CSMD3: variants seen among roughly 807,000 people sequenced by gnomAD.
CSMD3 encodes the protein CUB and Sushi multiple domains 3, also known as CUB and sushi domain-containing protein 3.
Under a neutral mutation model 435.2 loss-of-function variants are expected in CSMD3, and 177 were observed. The observed-to-expected ratio is 0.41, with a 90% confidence interval of 0.36 to 0.46. CSMD3 has a LOEUF of 0.46. Ranked by LOEUF, CSMD3 falls within the 20% of genes least tolerant of loss-of-function variation. The pLI is 0.34. For missense variants in CSMD3, 4,265 were observed against 4,504.6 expected (o/e 0.95, Z 1.52); for synonymous variants, 1,656 against 1,520.5 (o/e 1.09, Z -2.07).
At chr8:113,382,770 A>G (rs1252057683) in intron 1 of CSMD3, among the ~76,000 whole-genome samples, 1 of 152,056 alleles carries the variant, frequency 6.6e-6, no homozygotes, top group Non-Finnish European at 1.5e-5. Context: ...ACTTGAGGTC[A>G]GGAGTTCCAC....
intron 1 of CSMD3, among the ~76,000 whole-genome samples, chr8:113,322,052 T>G (rs2093952854): frequency 1.3e-5 from 2 of 152,144 alleles, no homozygotes; most frequent in Non-Finnish European, 2.9e-5. Flanking sequence ...TGTACATACA[T>G]GAAAAATTTA....
intron 13 of CSMD3, among the ~76,000 whole-genome samples, chr8:112,745,491 T>A (rs541460896): frequency 6.6e-6 from 1 of 152,112 alleles, no homozygotes; most frequent in Admixed American, 6.5e-5. Context: ...TATAATTGGC[T>A]ATGCTTTCTG....
At chr8:112,227,398 G>C (rs2129808909) in intron 70 of CSMD3, among the ~76,000 whole-genome samples, 1 of 152,278 alleles carries the variant, frequency 6.6e-6, no homozygotes, top group African/African-American at 2.4e-5. Flanking sequence ...AGCTGGATGA[G>C]GGGAGTGAGG....
At chr8:112,859,059 T>G in intron 11 of CSMD3, 86 bp downstream of exon 11, 1 of 1,271,988 alleles carries the variant, frequency 7.9e-7, no homozygotes, top group Non-Finnish European at 1.1e-6. Context: ...TTATAAATTT[T>G]CCATACTGCA....
intron 2 of CSMD3, among the ~76,000 whole-genome samples, chr8:113,308,662 T>C (rs2093842596): frequency 6.6e-6 from 1 of 152,232 alleles, no homozygotes; most frequent in South Asian, 2.1e-4. Flanking sequence ...TCTGTATCTG[T>C]ATCGTTCTAT....
At chr8:112,544,894 G>T (rs1827010491) in intron 27 of CSMD3, among the ~76,000 whole-genome samples, 1 of 152,146 alleles carries the variant, frequency 6.6e-6, no homozygotes, top group Non-Finnish European at 1.5e-5. Context: ...CTGCCATAAA[G>T]GTCTATTGCA....
chr8:113,019,863 C>T (rs1291110804), intron 5 of CSMD3, among the ~76,000 whole-genome samples: 1 of 152,062 alleles, frequency 6.6e-6, no homozygotes, highest in East Asian at 1.9e-4. Context: ...GACTAGCTTT[C>T]ATTAGAATAT....
intron 1 of CSMD3, among the ~76,000 whole-genome samples, chr8:113,358,045 C>T (rs933250157): frequency 6.6e-6 from 1 of 152,140 alleles, no homozygotes; most frequent in African/African-American, 2.4e-5. Context: ...TAAACTGTTT[C>T]TAGTATTCCA....
In CSMD3 at chr8:113,019,072, T is replaced by A. The variant is rs747711239; in HGVS notation, c.1025A>T (p.Tyr342Phe). ...AAGGTATTCCATAAGTATACCTTGA[T>A]AGGGAGCACTAAATCCACGGTATCG... ...NHRYRGFSAP[Y>F]QGSSTLTHTT... is the part of the protein sequence containing the mutation. Residue 342 changes from tyrosine (Y) to phenylalanine (F), a missense_variant, in exon 6 of 71, where the codon TAT becomes TTT. Transcript: ENST00000297405. The A allele has an allele frequency of 6.3e-7, 1 of 1,595,640 alleles. No individual in the cohort carries two copies. Among genetic ancestry groups the A allele is most frequent in the African/African-American group, 1.3e-5 (1 of 74,666 alleles).
chr8:113,002,616 T>A (rs989768592), intron 6 of CSMD3, among the ~76,000 whole-genome samples: 9 of 152,148 alleles, frequency 5.9e-5, no homozygotes, highest in African/African-American at 2.2e-4. Flanking sequence ...GTAAGAATTT[T>A]GAGTCATATA....
intron 12 of CSMD3, among the ~76,000 whole-genome samples, chr8:112,805,298 GT>G (rs2079058489): frequency 1.3e-5 from 2 of 152,254 alleles, no homozygotes; most frequent in South Asian, 4.1e-4. Context: ...TTCTCACACT[GT>G]GCTGGATAAG....
chr8:112,369,867 C>T (rs1346187266), intron 38 of CSMD3, among the ~76,000 whole-genome samples: 1 of 150,124 alleles, frequency 6.7e-6, no homozygotes, highest in East Asian at 2.0e-4. Flanking sequence ...TATCCCAGAA[C>T]TTAAAGTAAA....
chr8:112,592,008 G>A (rs776683711), intron 22 of CSMD3, among the ~76,000 whole-genome samples: 3 of 151,944 alleles, frequency 2.0e-5, no homozygotes, highest in Non-Finnish European at 4.4e-5. Context: ...ATATTTCACA[G>A]CTGTTAGTTT....
At chr8:112,332,847 G>C (rs1050018715) in intron 45 of CSMD3, among the ~76,000 whole-genome samples, 1 of 152,102 alleles carries the variant, frequency 6.6e-6, no homozygotes, top group Admixed American at 6.6e-5. Flanking sequence ...TATGCTACCT[G>C]TATATTATCA....
chr8:112,806,200 G>T (rs1326913039), intron 12 of CSMD3, among the ~76,000 whole-genome samples: 3 of 152,156 alleles, frequency 2.0e-5, no homozygotes, highest in Non-Finnish European at 4.4e-5. Context: ...TTGGTCAGTA[G>T]AATCTGAAGA....
At chr8:112,775,792 ACTATCTTCCATCTTT>A (rs1587257112) in intron 13 of CSMD3, among the ~76,000 whole-genome samples, 1 of 151,884 alleles carries the variant, frequency 6.6e-6, no homozygotes, top group East Asian at 1.9e-4. Context: ...GTGTGTTTTA[ACTATCTTCCATCTTT>A]GCATAAAATA....
intron 1 of CSMD3, among the ~76,000 whole-genome samples, chr8:113,343,925 T>A (rs1321358340): frequency 2.6e-5 from 4 of 152,070 alleles, no homozygotes; most frequent in Non-Finnish European, 5.9e-5. Flanking sequence ...CAAACAGAAA[T>A]ATAAATAATT....
intron 7 of CSMD3, among the ~76,000 whole-genome samples, chr8:112,958,888 G>A (rs2084130646): frequency 6.6e-6 from 1 of 152,058 alleles, no homozygotes; most frequent in Admixed American, 6.6e-5. Context: ...GGCCTTTAAT[G>A]TTAGGAAATC....
At chr8:112,693,698 T>C (rs1485175230) in intron 13 of CSMD3, among the ~76,000 whole-genome samples, 1 of 151,934 alleles carries the variant, frequency 6.6e-6, no homozygotes, top group East Asian at 1.9e-4. Context: ...TTTTTTCAGT[T>C]CTAGGAAATT....
Sources: gnomAD v4.1 joint callset for allele counts (sites outside exome capture counted in the v4.1 genomes callset) on GRCh38, gnomAD v4.1.1 for gene constraint, MANE v1.5 for transcripts, NCBI Gene and HGNC (gene_info 2026-07-23, HGNC 2026-07-21) for gene names.